The following SEMA5B variants were observed in gnomAD, a reference collection of about 807,000 sequenced individuals.
SEMA5B encodes semaphorin 5B, also known as semaphorin-5B.
In SEMA5B, 66 loss-of-function variants were observed where a neutral mutation model predicts 135.0. The ratio of observed to expected loss-of-function variants is 0.49; its 90% CI spans 0.40 to 0.60. The LOEUF is 0.60. Ranked by LOEUF, SEMA5B falls within the 20% of genes least tolerant of loss-of-function variation. SEMA5B has a pLI of 0.00. For synonymous variants in SEMA5B, 690 were observed against 639.5 expected (o/e 1.08, Z -1.19); for missense variants, 1,501 against 1,566.3 (o/e 0.96, Z 0.70).
chr3:122,913,101 ACCCCGACCCCGGCCTGGGCCT>A (rs1167214863), intron 17 of SEMA5B, 40 bp from the exon 18 acceptor site: 3 of 1,416,988 alleles, frequency 2.1e-6, no homozygotes, highest in Non-Finnish European at 2.7e-6. Context: ...GCGCCCGGCC[ACCCCGACCCCGGCCTGGGCCT>A]CCCCGGGGCT....
At chr3:122,958,922 G>A (rs1003711728) in intron 2 of SEMA5B, among the ~76,000 whole-genome samples, 2 of 151,984 alleles carry the variant, frequency 1.3e-5, no homozygotes, top group East Asian at 1.9e-4. Context: ...TGAGTGTTCC[G>A]GCAGTCCTCC....
At chr3:122,928,758 G>A in intron 6 of SEMA5B, 143 bp from the exon 7 acceptor site, 1 of 747,762 alleles carries the variant, frequency 1.3e-6, no homozygotes, top group Non-Finnish European at 2.2e-6. Flanking sequence ...CCGACGTCCG[G>A]GTCACGTCTG....
At chr3:122,945,570 T>G (rs1939747968) in intron 3 of SEMA5B, among the ~76,000 whole-genome samples, 1 of 152,160 alleles carries the variant, frequency 6.6e-6, no homozygotes, top group African/African-American at 2.4e-5. Flanking sequence ...GTCAAATATT[T>G]TCTGTGTGTG....
chr3:122,990,091 A>G (rs1941829355), intron 1 of SEMA5B, among the ~76,000 whole-genome samples: 1 of 152,170 alleles, frequency 6.6e-6, no homozygotes, highest in Non-Finnish European at 1.5e-5. Flanking sequence ...AGGCATTTCA[A>G]AGCCCAGCAG....
chr3:123,025,753 C>T (rs1942783201), intron 1 of SEMA5B, among the ~76,000 whole-genome samples: 1 of 152,196 alleles, frequency 6.6e-6, no homozygotes, highest in South Asian at 2.1e-4. Context: ...GCCCCAAGGC[C>T]CAGAACAGTT....
chr3:122,928,256 A>G (rs973710435), intron 7 of SEMA5B, among the ~76,000 whole-genome samples: 6 of 152,314 alleles, frequency 3.9e-5, no homozygotes, highest in Non-Finnish European at 7.4e-5. Context: ...CAAAATACAG[A>G]AGGCCCAGCT....
chr3:123,011,428 C>T (rs909431308), intron 1 of SEMA5B, among the ~76,000 whole-genome samples: 1 of 152,196 alleles, frequency 6.6e-6, no homozygotes, highest in African/African-American at 2.4e-5. Flanking sequence ...CGGGGCTCGT[C>T]CCAGGCCTTG....
Position 122,999,870 on chromosome 3 carries a change from CAGAGAGAAAA to C in SEMA5B, c.-39+27584_-39+27593del, listed in dbSNP as rs5852318. 5.2e-3 allele frequency among the ~76,000 whole-genome samples: 792 copies of C among 152,184 alleles called. 7 individuals are homozygous for C. Among genetic ancestry groups the C allele is most frequent in the African/African-American group, 0.014 (594 of 41,520 alleles). ...CAAACATCCACAACAGCTATGGGGA[CAGAGAGAAAA>C]AGAGAGAAAAAGAGAGCCATGAAAA... is the stretch of plus-strand genomic sequence containing the variant. On this transcript the variant is annotated intron_variant, in intron 1 of 22. Coordinates refer to ENST00000357599, the MANE Select transcript of SEMA5B (RefSeq NM_001031702.4).
At chr3:122,993,909 A>G (rs955229341) in intron 1 of SEMA5B, among the ~76,000 whole-genome samples, 3 of 151,882 alleles carry the variant, frequency 2.0e-5, no homozygotes, top group Admixed American at 6.6e-5. Flanking sequence ...TTCCCAGCCC[A>G]GGTCCTTTCA....
chr3:122,987,162 C>T (rs1221660650), intron 1 of SEMA5B, among the ~76,000 whole-genome samples: 1 of 151,480 alleles, frequency 6.6e-6, no homozygotes, highest in African/African-American at 2.4e-5. Context: ...AAAGTGATGC[C>T]GGGAAGGCAG....
chr3:122,947,399 C>T (rs1305617578), intron 3 of SEMA5B, among the ~76,000 whole-genome samples: 1 of 152,132 alleles, frequency 6.6e-6, no homozygotes, highest in Non-Finnish European at 1.5e-5. Flanking sequence ...CACCCCCAGA[C>T]TCTCATTCAT....
At chr3:122,935,701 T>C (rs1939243112) in intron 5 of SEMA5B, among the ~76,000 whole-genome samples, 1 of 138,132 alleles carries the variant, frequency 7.2e-6, no homozygotes, top group Admixed American at 7.2e-5. Flanking sequence ...TTTTTTTTTT[T>C]TTTTTTTTTG....
chr3:122,923,054 G>T (rs974512914), intron 10 of SEMA5B, among the ~76,000 whole-genome samples: 1 of 152,168 alleles, frequency 6.6e-6, no homozygotes, highest in Non-Finnish European at 1.5e-5. Context: ...CAAAGCTTGA[G>T]GTCTTTCCCA....
chr3:122,912,469 C>T (rs539413273), intron 18 of SEMA5B, 127 bp from the exon 19 acceptor site: 9 of 863,172 alleles, frequency 1.0e-5, no homozygotes, highest in Non-Finnish European at 1.4e-5. Flanking sequence ...CCGATCCACC[C>T]GCCACCCAAC....
chr3:122,956,565 G>A (rs764978894), intron 2 of SEMA5B, among the ~76,000 whole-genome samples: 7 of 152,200 alleles, frequency 4.6e-5, no homozygotes, highest in Non-Finnish European at 1.0e-4. Context: ...GCTCAGGGGC[G>A]AAGGATGACG....
intron 2 of SEMA5B, among the ~76,000 whole-genome samples, chr3:122,959,432 T>C (rs1024515843): frequency 6.6e-6 from 1 of 152,160 alleles, no homozygotes; most frequent in Non-Finnish European, 1.5e-5. Context: ...GACATAGCCA[T>C]GTGGGTGGAG....
In SEMA5B at chr3:122,922,293, A is replaced by C. The variant is rs1374646229; in HGVS notation, c.1427T>G (p.Val476Gly). Residue 476 changes from valine to glycine, a missense_variant, in exon 11 of 23, where the codon GTG (valine) becomes GGG (glycine). Around this residue, in one of 2 missense-constraint regions of SEMA5B, gnomAD observed 574 missense variants for 684.7 expected, o/e 0.84. Transcript: ENST00000357599. ...QDSVRFSHLVVDLVQAKDTLY... is the reference protein window; with the variant it reads ...QDSVRFSHLVGDLVQAKDTLY... ...CGTGTCTTTAGCCTGCACCAGGTCC[A>C]CCACGAGGTGTGAGAAGCGCACGCT... 6.2e-7 allele frequency: 1 copy of C among 1,614,096 alleles called. No individual in the cohort carries two copies. The highest frequency in any genetic ancestry group is 8.5e-7 in the Non-Finnish European group (1 of 1,179,950).
intron 4 of SEMA5B, among the ~76,000 whole-genome samples, chr3:122,941,832 C>T (rs1350715639): frequency 6.6e-6 from 1 of 152,198 alleles, no homozygotes; most frequent in Admixed American, 6.5e-5. Context: ...AAGATGTTAG[C>T]CTTGGGGGAA....
Position 122,927,772 on chromosome 3 carries a change from G to A in SEMA5B, c.850+18C>T. 1.4e-6 allele frequency: 2 copies of A among 1,402,480 alleles called. No homozygotes were observed. The highest frequency in any genetic ancestry group is 1.9e-6 in the Non-Finnish European group (2 of 1,068,382). 86.9% of individuals were successfully genotyped at this position (1,402,480 alleles called of 1,614,324 possible). A position where few individuals can be genotyped will look rare whatever the true frequency, so the allele number is the denominator to read the frequency against. On this transcript the variant is annotated intron_variant, in intron 8 of 22. Transcript: ENST00000357599. ...AAAACCAGGGGAGTCCCCACCCCTGGCACTGGGGCCTCCTTACCATTAAGC... is the reference window on the plus strand; with the variant it reads ...AAAACCAGGGGAGTCCCCACCCCTGACACTGGGGCCTCCTTACCATTAAGC...
Sources: gnomAD v4.1 joint callset for allele counts (sites outside exome capture counted in the v4.1 genomes callset) on GRCh38, gnomAD v4.1.1 for gene constraint, gnomAD v4.1.1 regional missense constraint, MANE v1.5 for transcripts, NCBI Gene and HGNC (gene_info 2026-07-23, HGNC 2026-07-21) for gene names.